Variants in SOX5 observed in about 807,000 individuals in gnomAD.
SOX5 encodes the protein SRY-box transcription factor 5, also known as transcription factor SOX-5.
A neutral mutation model predicts 92.0 loss-of-function variants in SOX5; 9 were observed. The observed-to-expected ratio is 0.10, with a 90% CI of 0.06 to 0.17. The LOEUF (loss-of-function observed/expected upper bound fraction) is 0.17, where lower values mean the gene tolerates loss of function less well. Among genes scored for constraint, SOX5 ranks in the 10% least tolerant of loss-of-function variants. The pLI, the probability that SOX5 is intolerant of heterozygous loss-of-function variation, is 1.00. For synonymous variants in SOX5, 344 were observed against 336.3 expected (o/e 1.02, Z -0.25); for missense variants, 642 against 944.5 (o/e 0.68, Z 4.20).
intron 2 of SOX5, among the ~76,000 whole-genome samples, chr12:23,883,008 C>T (rs1471286959): frequency 6.6e-6 from 1 of 151,912 alleles, no homozygotes; most frequent in African/African-American, 2.4e-5. Context: ...AGTGAAACCC[C>T]GTCTCTACTA....
chr12:24,442,128 AG>A (rs1276509848), intron 1 of SOX5, among the ~76,000 whole-genome samples: 1 of 152,270 alleles, frequency 6.6e-6, no homozygotes, highest in African/African-American at 2.4e-5. Context: ...TTCTTAAAAA[AG>A]GTATCTATGA....
chr12:24,406,697 A>G (rs1963032409), intron 1 of SOX5, among the ~76,000 whole-genome samples: 1 of 152,198 alleles, frequency 6.6e-6, no homozygotes, highest in African/African-American at 2.4e-5. Context: ...CTGAATGTAG[A>G]TTATTTCTGT....
intron 3 of SOX5, among the ~76,000 whole-genome samples, chr12:24,228,889 A>G (rs906066804): frequency 6.6e-6 from 1 of 152,136 alleles, no homozygotes; most frequent in African/African-American, 2.4e-5. Context: ...TTCCTTCTCC[A>G]TGGCATTCTG....
intron 4 of SOX5, among the ~76,000 whole-genome samples, chr12:24,170,766 G>T (rs1953993631): frequency 3.3e-5 from 5 of 152,200 alleles, no homozygotes; most frequent in Admixed American, 3.3e-4. Context: ...TTGGCTTTCA[G>T]TAGTGTAGTC....
chr12:23,901,176 G>C (rs1244641279), intron 1 of SOX5, among the ~76,000 whole-genome samples: 1 of 152,162 alleles, frequency 6.6e-6, no homozygotes, highest in Non-Finnish European at 1.5e-5. Flanking sequence ...GTCAGAGTCA[G>C]AGGAAGAGAC....
At position 23,533,295 on chromosome 12, in the gene SOX5, T is replaced by TTTC. The variant is rs748327868; in HGVS notation, c.*921_*923dup. 15 of 405,774 alleles carry TTTC rather than the reference T, an allele frequency of 3.7e-5. No homozygotes were observed. The highest frequency in any genetic ancestry group is 3.5e-4 in the Admixed American group (14 of 39,866). 25.1% of individuals were successfully genotyped at this position (405,774 alleles called of 1,614,324 possible). The stretch of plus-strand genomic sequence containing the variant: ...AGATCAGAAAATATTTTTCTCTAAA[T>TTTC]TTCTTATGTCTCTCTCTCTCTCTCT... On this transcript the variant is annotated 3_prime_UTR_variant, in exon 15 of 15. Transcript: ENST00000451604.
rs2095506128 is a variant in SOX5 at position 23,793,174 on chromosome 12, AT to A, written c.482-37451del. Among the ~76,000 whole-genome samples, 6 of 152,296 alleles carry A rather than the reference AT, an allele frequency of 3.9e-5. No individual in the cohort carries two copies. The South Asian group carries it at 1.0e-3, about 26-fold the overall frequency. On this transcript the variant is annotated intron_variant, in intron 3 of 14. Coordinates refer to ENST00000451604, the MANE Select transcript of SOX5 (RefSeq NM_006940.6). The stretch of plus-strand genomic sequence containing the variant: ...AAAATAAGTAGATATACATTTGTAT[AT>A]TTTTCATCACTGCAAGAATTCTTGA...
At chr12:23,984,393 A>G (rs561992191) in intron 4 of SOX5, among the ~76,000 whole-genome samples, 1 of 152,334 alleles carries the variant, frequency 6.6e-6, no homozygotes, top group South Asian at 2.1e-4. Context: ...TAAAGCAGGA[A>G]CTTCTAAACT....
At chr12:24,084,908 C>T (rs766394762) in intron 4 of SOX5, among the ~76,000 whole-genome samples, 1 of 152,102 alleles carries the variant, frequency 6.6e-6, no homozygotes, top group African/African-American at 2.4e-5. Context: ...AACAATGATG[C>T]TAACAGAAAC....
intron 4 of SOX5, among the ~76,000 whole-genome samples, chr12:23,989,781 T>C (rs1950390048): frequency 6.6e-6 from 1 of 152,124 alleles, no homozygotes; most frequent in African/African-American, 2.4e-5. Flanking sequence ...CCAACCATGG[T>C]GGCACCCTGA....
chr12:23,590,350 T>C (rs1951358908), intron 9 of SOX5, among the ~76,000 whole-genome samples: 1 of 152,034 alleles, frequency 6.6e-6, no homozygotes, highest in Admixed American at 6.6e-5. Flanking sequence ...TTTTCATTCT[T>C]CTTAAATTCA....
chr12:23,674,297 C>T (rs1593171371), intron 6 of SOX5, among the ~76,000 whole-genome samples: 4 of 146,026 alleles, frequency 2.7e-5, no homozygotes, highest in Admixed American at 2.1e-4. Context: ...GAAACACTAA[C>T]GAAATTAATT....
chr12:23,589,698 C>A (rs1164987296), intron 9 of SOX5, among the ~76,000 whole-genome samples: 2 of 151,864 alleles, frequency 1.3e-5, no homozygotes, highest in Non-Finnish European at 2.9e-5. Context: ...TAAATAAGAA[C>A]AAATCTTACT....
intron 1 of SOX5, among the ~76,000 whole-genome samples, chr12:24,534,652 G>A (rs1307827488): frequency 8.5e-5 from 13 of 152,172 alleles, no homozygotes; most frequent in Admixed American, 8.5e-4. Context: ...ACACCTACAT[G>A]GGTATGTTTA....
intron 4 of SOX5, among the ~76,000 whole-genome samples, chr12:24,087,742 C>T (rs1360918532): frequency 2.6e-5 from 4 of 151,362 alleles, no homozygotes; most frequent in African/African-American, 9.7e-5. Context: ...TAGAATATGC[C>T]TCTTTTCTAG....
chr12:23,626,258 C>G (rs771538025), intron 8 of SOX5, among the ~76,000 whole-genome samples: 3 of 151,996 alleles, frequency 2.0e-5, no homozygotes, highest in Non-Finnish European at 2.9e-5. Context: ...CAAAATAAAA[C>G]AGCATTCTGA....
At chr12:23,622,530 T>A (rs1343961642) in intron 8 of SOX5, among the ~76,000 whole-genome samples, 1 of 151,656 alleles carries the variant, frequency 6.6e-6, no homozygotes, top group Admixed American at 6.6e-5. Flanking sequence ...AAAGGGTGAT[T>A]TTTTTAAAAT....
chr12:23,823,726 A>T (rs1282952127), intron 3 of SOX5, among the ~76,000 whole-genome samples: 1 of 151,582 alleles, frequency 6.6e-6, no homozygotes, highest in African/African-American at 2.4e-5. Context: ...ATTAGGTTCT[A>T]TTCTCCCCGC....
Position 23,843,554 on chromosome 12 carries a change from C to CTTTTTTTTTTTTTTTTTTTTTT in SOX5, c.481+2407_481+2428dup, listed in dbSNP as rs71059931. Among the ~76,000 whole-genome samples, 2 of 71,332 alleles carry CTTTTTTTTTTTTTTTTTTTTTT rather than the reference C, an allele frequency of 2.8e-5. 1 individual carries two copies. Among genetic ancestry groups the CTTTTTTTTTTTTTTTTTTTTTT allele is most frequent in the East Asian group, 1.2e-3 (2 of 1,614 alleles). The allele number at this position is 71,332 out of a possible 152,430, so 46.8% of individuals were successfully genotyped here. On this transcript the variant is annotated intron_variant, in intron 3 of 14. Coordinates refer to ENST00000451604, the MANE Select transcript of SOX5 (RefSeq NM_006940.6). ...TCAGAATATTTGACAGTCATTTCTC[C>CTTTTTTTTTTTTTTTTTTTTTT]TTTTTTTTTTTTTTTTTTTTTTTTT...
Sources: gnomAD v4.1 joint callset for allele counts (sites outside exome capture counted in the v4.1 genomes callset) on GRCh38, gnomAD v4.1.1 for gene constraint, MANE v1.5 for transcripts, NCBI Gene and HGNC (gene_info 2026-07-23, HGNC 2026-07-21) for gene names.